NEDD4: variants seen among roughly 807,000 people sequenced by gnomAD.
NEDD4 encodes the protein NEDD4 E3 ubiquitin protein ligase, also known as E3 ubiquitin-protein ligase NEDD4.
NEDD4 carries 99 observed loss-of-function variants against 144.9 expected under a neutral mutation model. That is an observed-to-expected ratio of 0.68 (90% CI 0.58 to 0.81). NEDD4 has a LOEUF of 0.81. Ranked by LOEUF, NEDD4 falls within the 30% of genes least tolerant of loss-of-function variation. The probability of loss-of-function intolerance (pLI) is 0.00; values close to 1 mark genes in which losing one functional copy is unlikely to be tolerated. For synonymous variants in NEDD4, 318 were observed against 350.6 expected (o/e 0.91, Z 1.04); for missense variants, 985 against 1,065.9 (o/e 0.92, Z 1.06).
At position 55,842,376 on chromosome 15, in the gene NEDD4, T is replaced by C. The variant is rs188266977; in HGVS notation, c.1609-213A>G. ...CATTTTCTTTAATCACTTAGTAATA[T>C]AGACTTCTTTACATCTGAAGAAGCT... On this transcript the variant is annotated intron_variant, in intron 18 of 28. Coordinates refer to ENST00000435532, the MANE Select transcript of NEDD4 (RefSeq NM_006154.4). 1.6e-3 allele frequency among the ~76,000 whole-genome samples: 251 copies of C among 152,294 alleles called. 1 individual carries two copies. Among genetic ancestry groups the C allele is most frequent in the African/African-American group, 5.5e-3 (227 of 41,560 alleles).
intron 8 of NEDD4, among the ~76,000 whole-genome samples, 168 bp downstream of exon 8, chr15:55,869,411 G>A (rs1912401): frequency 0.91 from 138,645 of 152,222 alleles, 63,320 homozygotes; most frequent in East Asian, 0.96. Context: ...TTCCTTCTAC[G>A]GAAATATCCT....
intron 4 of NEDD4, among the ~76,000 whole-genome samples, chr15:55,925,462 T>C (rs1015532244): frequency 6.6e-6 from 1 of 152,248 alleles, no homozygotes. Flanking sequence ...GCTTTTACTA[T>C]ATAAAGTACA....
At chr15:55,986,578 T>G (rs1288076207) in intron 1 of NEDD4, among the ~76,000 whole-genome samples, 1 of 140,596 alleles carries the variant, frequency 7.1e-6, no homozygotes, top group East Asian at 2.3e-4. Context: ...GGCCTGTCCT[T>G]GCTTTTTTTT....
chr15:55,855,830 C>T (rs1428402084), intron 12 of NEDD4, among the ~76,000 whole-genome samples: 1 of 152,236 alleles, frequency 6.6e-6, no homozygotes, highest in Non-Finnish European at 1.5e-5. Context: ...CAAATGGACA[C>T]AGTGATCCTG....
At chr15:55,894,468 G>C (rs766298720) in intron 5 of NEDD4, among the ~76,000 whole-genome samples, 1 of 152,096 alleles carries the variant, frequency 6.6e-6, no homozygotes, top group Non-Finnish European at 1.5e-5. Flanking sequence ...CAAATACCAA[G>C]AGACACCGGT....
intron 6 of NEDD4, among the ~76,000 whole-genome samples, chr15:55,872,757 T>C (rs2034848564): frequency 6.6e-6 from 1 of 152,142 alleles, no homozygotes; most frequent in Admixed American, 6.5e-5. Flanking sequence ...ATAGAGTGGT[T>C]AGTATGTTAA....
At chr15:55,948,121 A>C (rs1327190292) in intron 4 of NEDD4, among the ~76,000 whole-genome samples, 1 of 152,234 alleles carries the variant, frequency 6.6e-6, no homozygotes, top group East Asian at 1.9e-4. Context: ...ATACAAAATT[A>C]ATGTGCAAAA....
chr15:55,894,788 T>C (rs1220669069), intron 5 of NEDD4, among the ~76,000 whole-genome samples: 1 of 152,162 alleles, frequency 6.6e-6, no homozygotes, highest in Admixed American at 6.5e-5. Flanking sequence ...TTTAATATGC[T>C]ACAGGAAAGA....
At chr15:55,863,889 C>A (rs894680257) in intron 8 of NEDD4, among the ~76,000 whole-genome samples, 1 of 152,180 alleles carries the variant, frequency 6.6e-6, no homozygotes, top group Non-Finnish European at 1.5e-5. Context: ...GAAATAACTG[C>A]TACAGTGAAC....
intron 5 of NEDD4, among the ~76,000 whole-genome samples, chr15:55,890,427 A>G (rs1441201363): frequency 3.3e-5 from 5 of 152,066 alleles, no homozygotes; most frequent in African/African-American, 1.2e-4. Flanking sequence ...CCTATTCTGG[A>G]TATTTCATAT....
chr15:55,976,863 G>A (rs2037709433), intron 1 of NEDD4, among the ~76,000 whole-genome samples: 1 of 151,996 alleles, frequency 6.6e-6, no homozygotes, highest in Non-Finnish European at 1.5e-5. Context: ...TCGATCTCCT[G>A]ACCTCCTGAT....
intron 5 of NEDD4, among the ~76,000 whole-genome samples, chr15:55,911,987 A>T (rs1480773253): frequency 6.6e-6 from 1 of 152,192 alleles, no homozygotes; most frequent in Admixed American, 6.5e-5. Flanking sequence ...ACATCTACAG[A>T]GAATACAAAA....
At chr15:55,851,315 C>G in intron 13 of NEDD4, among the ~76,000 whole-genome samples, 1 of 151,122 alleles carries the variant, frequency 6.6e-6, no homozygotes, top group Non-Finnish European at 1.5e-5. Flanking sequence ...ATGGACAGAG[C>G]TTTAAAACAA....
At chr15:55,941,829 T>A (rs1321882688) in intron 4 of NEDD4, among the ~76,000 whole-genome samples, 4 of 152,202 alleles carry the variant, frequency 2.6e-5, no homozygotes, top group African/African-American at 9.7e-5. Flanking sequence ...TGCATCGGCT[T>A]CCCAAAGTGC....
intron 5 of NEDD4, among the ~76,000 whole-genome samples, chr15:55,923,820 T>C (rs1159067858): frequency 6.8e-6 from 1 of 147,522 alleles, no homozygotes; most frequent in East Asian, 1.9e-4. Context: ...AGTTTAACAC[T>C]AAAAACAGAC....
At position 55,966,390 on chromosome 15, in the gene NEDD4, G is replaced by T; in HGVS notation, c.119+83C>A. On this transcript the variant is annotated intron_variant, in intron 2 of 28. Coordinates refer to ENST00000435532, the MANE Select transcript of NEDD4 (RefSeq NM_006154.4). ...CCACAACAATTTACTAATACTATTT[G>T]ATTTCTAATTTAACCAAAGTTTGGA... 3 of 797,250 alleles carry T rather than the reference G, an allele frequency of 3.8e-6. No individual in the cohort carries two copies. In the South Asian group the frequency reaches 5.3e-5, roughly 14 times the overall value. The allele number at this position is 797,250 out of a possible 1,614,324, so 49.4% of individuals were successfully genotyped here.
intron 2 of NEDD4, among the ~76,000 whole-genome samples, chr15:55,954,530 C>CTT (rs201402509): frequency 4.8e-5 from 7 of 147,300 alleles, no homozygotes; most frequent in Middle Eastern, 3.5e-3. Context: ...AGAGTTTTGC[C>CTT]TTTTTTTTTT....
chr15:55,971,581 C>T (rs541204992), intron 1 of NEDD4, among the ~76,000 whole-genome samples: 4 of 149,052 alleles, frequency 2.7e-5, no homozygotes, highest in Admixed American at 6.8e-5. Context: ...GCAGAGATTG[C>T]GCCACTGCAC....
chr15:55,840,469 G>T lies in NEDD4; in HGVS notation c.2009C>A (p.Thr670Asn), dbSNP rs1436132648. The T allele has an allele frequency of 2.5e-6, 4 of 1,613,694 alleles. No individual in the cohort carries two copies. In the African/African-American group the frequency reaches 5.3e-5, roughly 22 times the overall value. Residue 670 changes from threonine to asparagine, a missense_variant, in exon 21 of 29, where the codon ACC (threonine) becomes AAC (asparagine). Physicochemically the swap from Thr to Asn is moderately conservative, Grantham distance 65. Transcript: ENST00000435532. ...TACCACAGATTCCATATCATGAAGG[G>T]TTATTGGTTTGTGAAGCATCATCTT... Reference protein sequence around the residue: ...FYKMMLHKPITLHDMESVDSE... With the variant: ...FYKMMLHKPINLHDMESVDSE...
Sources: gnomAD v4.1 joint callset for allele counts (sites outside exome capture counted in the v4.1 genomes callset) on GRCh38, gnomAD v4.1.1 for gene constraint, MANE v1.5 for transcripts, NCBI Gene and HGNC (gene_info 2026-07-23, HGNC 2026-07-21) for gene names.